The following EPS15L1 variants were observed in gnomAD, a reference collection of about 807,000 sequenced individuals.
The protein encoded by EPS15L1 is epidermal growth factor receptor pathway substrate 15 like 1.
A neutral mutation model predicts 117.1 loss-of-function variants in EPS15L1; 43 were observed. The ratio of observed to expected loss-of-function variants is 0.37; its 90% CI spans 0.29 to 0.47. The LOEUF is 0.47. Among genes scored for constraint, EPS15L1 ranks in the 20% least tolerant of loss-of-function variants. EPS15L1 has a pLI of 0.99. For synonymous variants in EPS15L1, 459 were observed against 470.5 expected (o/e 0.98, Z 0.32); for missense variants, 981 against 1,164.0 (o/e 0.84, Z 2.29).
chr19:16,362,656 T>C (rs2092073983), intron 22 of EPS15L1, among the ~76,000 whole-genome samples: 1 of 151,484 alleles, frequency 6.6e-6, no homozygotes, highest in African/African-American at 2.4e-5. Context: ...CCTACAGGCA[T>C]GAGCCACCAT....
chr19:16,464,889 C>T (rs141992490), intron 1 of EPS15L1, among the ~76,000 whole-genome samples: 1 of 151,276 alleles, frequency 6.6e-6, no homozygotes, highest in South Asian at 2.1e-4. Flanking sequence ...GACCATCCTG[C>T]CTAACCAGTG....
intron 12 of EPS15L1, 40 bp from the exon 13 acceptor site, chr19:16,413,885 A>G: frequency 1.3e-6 from 2 of 1,505,250 alleles, no homozygotes; most frequent in Non-Finnish European, 9.2e-7. Context: ...AAGAGTGAAT[A>G]ATAAGCCTCC....
In EPS15L1 at chr19:16,441,910, C is replaced by T. The variant is rs748796629; in HGVS notation, c.147G>A (p.Ser49=). ...CACATACCTTCCCAAGGATAATGTCCGAGAGGCCAGACTTCTTTAGAAAAA... is the reference window on the plus strand; with the variant it reads ...CACATACCTTCCCAAGGATAATGTCTGAGAGGCCAGACTTCTTTAGAAAAA... ...AALFLKKSGL[S]DIILGKIWDL... is the part of the protein sequence containing the mutation. The change falls in exon 3 of 24, where the codon TCG becomes TCA. Residue 49 remains serine (S), a synonymous_variant. Transcript: ENST00000455140. The T allele has an allele frequency of 7.4e-6, 12 of 1,613,518 alleles. No homozygotes were observed. Among genetic ancestry groups the T allele is most frequent in the South Asian group, 4.4e-5 (4 of 91,026 alleles).
At chr19:16,451,686 A>G (rs1226982401) in intron 1 of EPS15L1, among the ~76,000 whole-genome samples, 4 of 151,160 alleles carry the variant, frequency 2.6e-5, no homozygotes, top group African/African-American at 7.3e-5. Context: ...CCGCCACCTC[A>G]CTCGTCTAAT....
At chr19:16,441,794 G>A (rs1057285748) in intron 3 of EPS15L1, 98 bp downstream of exon 3, 67 of 899,258 alleles carry the variant, frequency 7.5e-5, no homozygotes, top group Non-Finnish European at 9.9e-5. Context: ...CCAGGAGGCC[G>A]GGCCCCATGG....
At chr19:16,368,513 C>T (rs1336688659) in intron 22 of EPS15L1, among the ~76,000 whole-genome samples, 1 of 152,198 alleles carries the variant, frequency 6.6e-6, no homozygotes, top group Non-Finnish European at 1.5e-5. Flanking sequence ...ATTCACCCTA[C>T]ACAACAGGTG....
chr19:16,372,801 A>T (rs887354927), intron 22 of EPS15L1, among the ~76,000 whole-genome samples: 2 of 152,220 alleles, frequency 1.3e-5, no homozygotes, highest in Non-Finnish European at 2.9e-5. Flanking sequence ...AGGAAAACTG[A>T]GGCTCAGGGA....
intron 23 of EPS15L1, among the ~76,000 whole-genome samples, chr19:16,359,154 C>T (rs2092020216): frequency 1.3e-5 from 2 of 152,186 alleles, no homozygotes; most frequent in Non-Finnish European, 2.9e-5. Flanking sequence ...TAAAAACATG[C>T]CCTGAACAGC....
intron 7 of EPS15L1, among the ~76,000 whole-genome samples, chr19:16,432,970 AG>A (rs1363948447): frequency 6.8e-6 from 1 of 147,324 alleles, no homozygotes. Flanking sequence ...ACACCTGGCT[AG>A]TTTTTTGTAT....
intron 22 of EPS15L1, among the ~76,000 whole-genome samples, chr19:16,376,330 C>CA (rs772174388): frequency 2.9e-4 from 44 of 152,330 alleles, no homozygotes; most frequent in Non-Finnish European, 5.1e-4. Flanking sequence ...CCACTTGAAG[C>CA]AATAGCTTTC....
At chr19:16,360,351 C>T (rs2092035186) in intron 23 of EPS15L1, among the ~76,000 whole-genome samples, 1 of 152,038 alleles carries the variant, frequency 6.6e-6, no homozygotes, top group Non-Finnish European at 1.5e-5. Context: ...ACAATGTCAC[C>T]ATTTTGTATA....
intron 12 of EPS15L1, 77 bp from the exon 13 acceptor site, chr19:16,413,922 C>A: frequency 9.0e-7 from 1 of 1,111,676 alleles, no homozygotes; most frequent in South Asian, 1.3e-5. Context: ...TGATTCTGTT[C>A]ACCCCCACAA....
At chr19:16,403,976 A>G in intron 14 of EPS15L1, 46 bp from the exon 15 acceptor site, 1 of 1,533,366 alleles carries the variant, frequency 6.5e-7, no homozygotes, top group Non-Finnish European at 8.9e-7. Flanking sequence ...ACAGTGCAGG[A>G]TGAAATGGGA....
At chr19:16,402,253 G>A (rs1568420258) in intron 16 of EPS15L1, 68 bp downstream of exon 16, 1 of 1,521,572 alleles carries the variant, frequency 6.6e-7, no homozygotes, top group East Asian at 2.3e-5. Flanking sequence ...GATCTGGCGG[G>A]TGGGATGTTC....
At chr19:16,455,888 TC>T (rs1386747402) in intron 1 of EPS15L1, among the ~76,000 whole-genome samples, 2 of 151,670 alleles carry the variant, frequency 1.3e-5, no homozygotes, top group Non-Finnish European at 2.9e-5. Context: ...GCTACTGACC[TC>T]CCCCCACCCT....
Position 16,456,195 on chromosome 19 carries a change from T to C in EPS15L1, c.34-13976A>G, listed in dbSNP as rs556604596. On this transcript the variant is annotated intron_variant, in intron 1 of 23. Transcript: ENST00000455140. ...AGCCTGGGCAACAAGAGGAAAACCC[T>C]GTCTCAAACAAACAAACAAAAAACC... 1.1e-4 allele frequency among the ~76,000 whole-genome samples: 16 copies of C among 150,318 alleles called. No homozygotes were observed. The East Asian group carries it at 3.2e-3, about 30-fold the overall frequency.
intron 16 of EPS15L1, chr19:16,401,550 C>T (rs370875662): frequency 5.1e-6 from 5 of 985,538 alleles, no homozygotes; most frequent in East Asian, 2.3e-4. Flanking sequence ...CATCCGCTCC[C>T]GGAACAGCAC....
At chr19:16,437,474 G>A (rs79602214) in intron 5 of EPS15L1, among the ~76,000 whole-genome samples, 2,057 of 152,330 alleles carry the variant, frequency 0.014, 42 homozygotes, top group African/African-American at 0.047. Context: ...GGTTGCCAGC[G>A]ACTGGGAGGG....
intron 22 of EPS15L1, among the ~76,000 whole-genome samples, chr19:16,374,276 A>C (rs563927980): frequency 4.1e-4 from 63 of 152,334 alleles, no homozygotes; most frequent in Admixed American, 1.8e-3. Flanking sequence ...GAACTGTTCA[A>C]GCACTTCCTA....
Sources: allele counts gnomAD v4.1 joint callset (sites outside exome capture counted in the v4.1 genomes callset), GRCh38; gene constraint gnomAD v4.1.1; transcripts MANE v1.5; gene names NCBI Gene and HGNC (gene_info 2026-07-23, HGNC 2026-07-21).